The following SULT1A1 variants were observed in gnomAD, a reference collection of about 807,000 sequenced individuals.
SULT1A1 encodes the protein sulfotransferase family 1A member 1.
SULT1A1 carries 35 observed loss-of-function variants against 36.8 expected under a neutral mutation model. The ratio of observed to expected loss-of-function variants is 0.95; its 90% confidence interval spans 0.73 to 1.26. The LOEUF is 1.26. SULT1A1 is among the 50% of genes most tolerant of loss of function. The pLI, the probability that SULT1A1 is intolerant of heterozygous loss-of-function variation, is 0.00. For missense variants in SULT1A1, 309 were observed against 383.0 expected, an observed-to-expected ratio of 0.81 and a Z score of 1.61; for synonymous variants, 119 against 146.0, an observed-to-expected ratio of 0.82 and a Z score of 1.33.
chr16:28,618,682 G>A (rs1457438138), intron 2 of SULT1A1, among the ~76,000 whole-genome samples: 3 of 151,934 alleles, frequency 2.0e-5, no homozygotes, highest in Admixed American at 1.3e-4. Context: ...TATTTGTGCC[G>A]AGCAAACAGT....
At chr16:28,606,275 C>T (rs1427014885) in intron 6 of SULT1A1, 39 bp from the exon 7 acceptor site, 5 of 1,611,432 alleles carry the variant, frequency 3.1e-6, no homozygotes, top group Non-Finnish European at 4.2e-6. Context: ...GCTCGGATTA[C>T]TGATTCAGGA....
At chr16:28,606,477 A>G (rs2047192704) in intron 6 of SULT1A1, among the ~76,000 whole-genome samples, 1 of 151,790 alleles carries the variant, frequency 6.6e-6, no homozygotes, top group African/African-American at 2.4e-5. Context: ...TTCTTCTGTG[A>G]CTGTGGCCCT....
In SULT1A1 at chr16:28,606,270, G is replaced by A. The variant is rs769236058; in HGVS notation, c.595-34C>T. The A allele has an allele frequency of 5.6e-6, 9 of 1,611,404 alleles. No homozygotes were observed. In the South Asian group the frequency reaches 9.9e-5, roughly 18 times the overall value. On this transcript the variant is annotated intron_variant, in intron 6 of 7. Transcript: ENST00000314752. ...CAGAGGGCCCCTCAGTGGAGGCTCG[G>A]ATTACTGATTCAGGAAAAGTAAAAG...
chr16:28,610,531 A>C, upstream of SULT1A1: 1 of 300,146 alleles, frequency 3.3e-6, no homozygotes, highest in Non-Finnish European at 6.5e-6. Flanking sequence ...GGCTCTGACC[A>C]CAAGGCCAGT....
upstream of SULT1A1, chr16:28,614,084 T>G (rs1329547373): frequency 5.1e-6 from 1 of 196,036 alleles, no homozygotes; most frequent in African/African-American, 2.9e-5. Context: ...CCCCAGGCCC[T>G]GCCCCTAAAT....
At chr16:28,609,272 C>A (rs1168260601) in intron 1 of SULT1A1, 51 of 1,253,766 alleles carry the variant, frequency 4.1e-5, no homozygotes, top group Non-Finnish European at 5.2e-5. Flanking sequence ...GACCCCCAGC[C>A]TCCACCCAGT....
At chr16:28,619,448 T>G (rs182713906) in intron 2 of SULT1A1, among the ~76,000 whole-genome samples, 1 of 152,202 alleles carries the variant, frequency 6.6e-6, no homozygotes, top group East Asian at 1.9e-4. Flanking sequence ...GAGCTCTAAT[T>G]TAGGAATAGT....
chr16:28,610,326 C>G (rs188141771), upstream of SULT1A1: 10 of 789,660 alleles, frequency 1.3e-5, no homozygotes, highest in East Asian at 5.5e-4. Flanking sequence ...TGCCCCTGAA[C>G]TCCACCCTGC....
rs1001637076 is a variant in SULT1A1 at position 28,609,750 on chromosome 16, T to C, written c.-5+181A>G. 1.1e-5 allele frequency: 8 copies of C among 734,198 alleles called. No homozygotes were observed. In the African/African-American group the frequency reaches 1.2e-4, roughly 11 times the overall value. 45.5% of individuals were successfully genotyped at this position (734,198 alleles called of 1,614,324 possible). On this transcript the variant is annotated intron_variant, in intron 1 of 7. Coordinates refer to ENST00000314752, the MANE Select transcript of SULT1A1 (RefSeq NM_001055.4). The stretch of plus-strand genomic sequence containing the variant: ...GCCTGGGTGACAGCAAGACCTGGCC[T>C]CCCCGGGGAAAAAAACAAACAAACA...
At chr16:28,607,695 T>C (rs1251313212) in intron 4 of SULT1A1, 1 of 150,652 alleles carries the variant, frequency 6.6e-6, no homozygotes, top group African/African-American at 2.4e-5. Context: ...GTCTTTCTTT[T>C]TTTCTGTCGC....
intron 4 of SULT1A1, chr16:28,608,018 C>T (rs2047285246): frequency 9.6e-6 from 3 of 313,376 alleles, no homozygotes; most frequent in Non-Finnish European, 1.7e-5. Context: ...GTGAGTTTTG[C>T]TCTTGTTGCT....
At position 28,608,796 on chromosome 16, in the gene SULT1A1, G is replaced by C. The variant is rs767496487; in HGVS notation, c.60C>G (p.Leu20=). 4.3e-6 allele frequency: 7 copies of C among 1,612,228 alleles called. 1 individual carries two copies. Among genetic ancestry groups the C allele is most frequent in the Non-Finnish European group, 5.9e-6 (7 of 1,179,484 alleles). The part of the protein sequence containing the change: ...PPLEYVKGVP[L]IKYFAEALGP... ...CCAGTGCCTCTGCAAAGTACTTGAT[G>C]AGCGGGACCCCCTTCACGTACTCCA... The change falls in exon 2 of 8, where the codon CTC becomes CTG. Residue 20 remains leucine (L), a synonymous_variant. Transcript: ENST00000314752.
upstream of SULT1A1, chr16:28,610,264 GT>G (rs538720119): frequency 0.03 from 10,434 of 346,626 alleles, 1 homozygote; most frequent in East Asian, 0.042. Context: ...TTTTTTTTCT[GT>G]TTTTTTTTTT....
chr16:28,608,581 A>T lies in SULT1A1; in HGVS notation c.171T>A (p.Ile57=), dbSNP rs1321538356. ...PKSGTTWVSQ[I]LDMIYQGGDL... ...CACCACCCTGGTAGATCATGTCCAG[A>T]ATCTGGCTTACCCAGGTAGTGCCTG... is the stretch of plus-strand genomic sequence containing the variant. The change falls in exon 3 of 8, where the codon ATT becomes ATA. Residue 57 remains isoleucine, a synonymous_variant. Transcript: ENST00000314752. The T allele has an allele frequency of 5.0e-6, 8 of 1,612,278 alleles. 1 individual carries two copies. The highest frequency in any genetic ancestry group is 1.7e-5 in the Admixed American group (1 of 59,914).
At chr16:28,617,901 C>G (rs975927744) in intron 2 of SULT1A1, among the ~76,000 whole-genome samples, 4 of 152,040 alleles carry the variant, frequency 2.6e-5, no homozygotes, top group African/African-American at 7.3e-5. Flanking sequence ...GCTGGTATAC[C>G]CTCTTTCTTT....
chr16:28,610,044 T>C lies in SULT1A1; in HGVS notation c.-118A>G. On this transcript the variant is annotated 5_prime_UTR_variant, in exon 1 of 8. Coordinates refer to ENST00000314752, the MANE Select transcript of SULT1A1 (RefSeq NM_001055.4). ...AGCTGAGGGTTTCCTAGGTCCACTG[T>C]GGGAGGGATCTGGAGCCGGGGCTGG... The C allele has an allele frequency of 1.6e-6, 2 of 1,251,002 alleles. No individual in the cohort carries two copies. The highest frequency in any genetic ancestry group is 2.0e-6 in the Non-Finnish European group (2 of 976,006). 77.5% of individuals were successfully genotyped at this position (1,251,002 alleles called of 1,614,324 possible).
chr16:28,614,261 C>T (rs1294901373), upstream of SULT1A1: 1 of 112,304 alleles, frequency 8.9e-6, no homozygotes, highest in Admixed American at 9.7e-5. Context: ...GCCAGCTCCT[C>T]CCCGGAGTTC....
intron 1 of SULT1A1, 24 bp from the exon 2 acceptor site, chr16:28,608,883 C>G: frequency 6.2e-7 from 1 of 1,611,396 alleles, no homozygotes; most frequent in Non-Finnish European, 8.5e-7. Context: ...CAGAGCCAGG[C>G]CCGTTCCCTT....
Position 28,606,663 on chromosome 16 carries a change from G to A in SULT1A1, c.594+98C>T. The A allele has an allele frequency of 2.5e-5, 38 of 1,544,306 alleles. 1 individual carries two copies. Among genetic ancestry groups the A allele is most frequent in the Non-Finnish European group, 3.3e-5 (37 of 1,136,278 alleles). On this transcript the variant is annotated intron_variant, in intron 6 of 7. Coordinates refer to ENST00000314752, the MANE Select transcript of SULT1A1 (RefSeq NM_001055.4). ...GGATGGGGAATCTGGTCCTGCTGTGGGGGCTGCCCAGGGAGGGGGCTGGGT... is the reference window on the plus strand; with the variant it reads ...GGATGGGGAATCTGGTCCTGCTGTGAGGGCTGCCCAGGGAGGGGGCTGGGT...
Sources: gnomAD v4.1 joint callset for allele counts (sites outside exome capture counted in the v4.1 genomes callset) on GRCh38, gnomAD v4.1.1 for gene constraint, MANE v1.5 for transcripts, NCBI Gene and HGNC (gene_info 2026-07-23, HGNC 2026-07-21) for gene names.